The following CELF4 variants were observed in gnomAD, a reference collection of about 807,000 sequenced individuals.
The protein encoded by CELF4 is CUG-BP- and ETR-3-like factor 4.
Under a neutral mutation model 59.9 loss-of-function variants are expected in CELF4, and 18 were observed. That is an observed-to-expected ratio of 0.30 (90% CI 0.21 to 0.45). The LOEUF (loss-of-function observed/expected upper bound fraction) is 0.45. Ranked by LOEUF, CELF4 falls within the 20% of genes least tolerant of loss-of-function variation. CELF4 has a pLI of 1.00. For missense variants in CELF4, 456 were observed against 689.0 expected (o/e 0.66, Z 3.79); for synonymous variants, 261 against 267.1 (o/e 0.98, Z 0.22).
At chr18:37,522,351 G>C (rs912266737) in intron 1 of CELF4, among the ~76,000 whole-genome samples, 3 of 152,146 alleles carry the variant, frequency 2.0e-5, no homozygotes, top group East Asian at 3.9e-4. Flanking sequence ...AGATGACAGG[G>C]ACCATGCATC....
chr18:37,265,518 G>A (rs2077109705), intron 9 of CELF4, among the ~76,000 whole-genome samples: 1 of 152,198 alleles, frequency 6.6e-6, no homozygotes, highest in Non-Finnish European at 1.5e-5. Flanking sequence ...TGTGTGGGAG[G>A]TGGGGGCCAC....
At position 37,551,333 on chromosome 18, in the gene CELF4, C is replaced by A. The variant is rs578165251; in HGVS notation, c.286+14023G>T. 7.9e-5 allele frequency among the ~76,000 whole-genome samples: 12 copies of A among 152,332 alleles called. No homozygotes were observed. The South Asian group carries it at 2.1e-3, about 26-fold the overall frequency. On this transcript the variant is annotated intron_variant, in intron 1 of 12. Transcript: ENST00000420428. ...CCTCAGCCATGACTGCCCCCCTGGG[C>A]TGAGTTTCTCTTCCAGAGATGGGAG...
rs565644170 is a variant in CELF4 at position 37,562,574 on chromosome 18, A to G, written c.286+2782T>C. Among the ~76,000 whole-genome samples the G allele has an allele frequency of 3.3e-5, 5 of 152,266 alleles. No homozygotes were observed. In the South Asian group the frequency reaches 1.0e-3, roughly 32 times the overall value. On this transcript the variant is annotated intron_variant, in intron 1 of 12. Transcript: ENST00000420428. The stretch of plus-strand genomic sequence containing the variant: ...CTAACCTTATGTTGTCAATTTAGAG[A>G]TGGGGAAATCTAGAAACCAAATGCA...
intron 2 of CELF4, among the ~76,000 whole-genome samples, chr18:37,353,882 A>T (rs1006119778): frequency 2.0e-5 from 3 of 149,118 alleles, no homozygotes; most frequent in African/African-American, 7.5e-5. Flanking sequence ...TCAGCCTCCC[A>T]AGTAGCTGGG....
chr18:37,553,903 G>A (rs1338747803), intron 1 of CELF4, among the ~76,000 whole-genome samples: 2 of 152,132 alleles, frequency 1.3e-5, no homozygotes, highest in East Asian at 1.9e-4. Flanking sequence ...GAAGTTCTTC[G>A]TCTCACCGTC....
At chr18:37,413,615 C>A (rs1292007663) in intron 2 of CELF4, among the ~76,000 whole-genome samples, 1 of 152,124 alleles carries the variant, frequency 6.6e-6, no homozygotes. Context: ...CCCCATGGAC[C>A]AGTTATGGAA....
At position 37,443,141 on chromosome 18, in the gene CELF4, G is replaced by A. The variant is rs542212811; in HGVS notation, c.369+42384C>T. Among the ~76,000 whole-genome samples, 12 of 152,292 alleles carry A rather than the reference G, an allele frequency of 7.9e-5. 1 individual carries two copies. The South Asian group carries it at 1.7e-3, about 21-fold the overall frequency. ...GTGGGGATGGGATTGGGAAGGGGACGTGTCTTCTGTGGATTAGAGCTAAAC... is the reference window on the plus strand; with the variant it reads ...GTGGGGATGGGATTGGGAAGGGGACATGTCTTCTGTGGATTAGAGCTAAAC... On this transcript the variant is annotated intron_variant, in intron 2 of 12. Transcript: ENST00000420428.
Position 37,274,329 on chromosome 18 carries a change from G to A in CELF4, c.783C>T (p.Tyr261=), listed in dbSNP as rs182333668. The A allele has an allele frequency of 1.2e-5, 20 of 1,612,846 alleles. No homozygotes were observed. The highest frequency in any genetic ancestry group is 1.6e-5 in the Non-Finnish European group (19 of 1,179,684). ...FNPMAIPFGA[Y]GAYAQALMQQ... ...CACTTACTGCCTGAGCGTAGGCGCC[G>A]TAGGCCCCGAAAGGGATGGCCATGG... The change falls in exon 6 of 13, where the codon TAC becomes TAT. Residue 261 remains tyrosine (Y), a synonymous_variant. Transcript: ENST00000420428.
intron 2 of CELF4, among the ~76,000 whole-genome samples, chr18:37,328,610 A>G (rs576719761): frequency 2.1e-4 from 32 of 152,246 alleles, no homozygotes; most frequent in African/African-American, 7.7e-4. Context: ...TTACCTCCCC[A>G]TTCCTGTGTG....
intron 2 of CELF4, among the ~76,000 whole-genome samples, chr18:37,410,969 T>G (rs555507822): frequency 1.3e-5 from 2 of 152,202 alleles, no homozygotes; most frequent in African/African-American, 4.8e-5. Flanking sequence ...AACCAAGAGT[T>G]TTTTTGAGAC....
In CELF4 at chr18:37,270,751, C is replaced by A; in HGVS notation, c.1099+17G>T. 1 of 1,613,674 alleles carries A rather than the reference C, an allele frequency of 6.2e-7. No homozygotes were observed. Among genetic ancestry groups the A allele is most frequent in the Non-Finnish European group, 8.5e-7 (1 of 1,179,856 alleles). ...AATGTGCTGCATACGGAAATAAGTG[C>A]TGACAGATGTGCTTACCTGGGTAGG... On this transcript the variant is annotated intron_variant, in intron 8 of 12. Transcript: ENST00000420428.
intron 2 of CELF4, among the ~76,000 whole-genome samples, chr18:37,337,826 C>T (rs1217992349): frequency 6.6e-6 from 1 of 152,234 alleles, no homozygotes; most frequent in African/African-American, 2.4e-5. Context: ...GTGCCAGGGA[C>T]AGGATTCTTG....
intron 2 of CELF4, among the ~76,000 whole-genome samples, chr18:37,440,219 G>C (rs1452262071): frequency 6.6e-6 from 1 of 152,220 alleles, no homozygotes; most frequent in Non-Finnish European, 1.5e-5. Flanking sequence ...GGCAGCCTTG[G>C]CTGGGGGGCC....
At chr18:37,339,257 C>T (rs1051542449) in intron 2 of CELF4, among the ~76,000 whole-genome samples, 8 of 152,226 alleles carry the variant, frequency 5.3e-5, no homozygotes, top group African/African-American at 1.9e-4. Context: ...TTTTACCCTG[C>T]TGGCAAGCCA....
chr18:37,505,833 C>T (rs1301803791), intron 1 of CELF4, among the ~76,000 whole-genome samples: 2 of 152,206 alleles, frequency 1.3e-5, no homozygotes, highest in Admixed American at 6.5e-5. Context: ...CAGTACACTG[C>T]CAGGCCCCAC....
intron 3 of CELF4, among the ~76,000 whole-genome samples, chr18:37,304,265 A>C (rs2096259682): frequency 6.6e-6 from 1 of 152,230 alleles, no homozygotes; most frequent in Non-Finnish European, 1.5e-5. Context: ...AATGCACGGA[A>C]AACACATGCA....
intron 2 of CELF4, among the ~76,000 whole-genome samples, chr18:37,427,417 G>A (rs1384126065): frequency 5.9e-5 from 9 of 152,176 alleles, no homozygotes; most frequent in Non-Finnish European, 2.9e-5. Flanking sequence ...GATTTGCTCT[G>A]TGGACTGTTC....
chr18:37,348,329 T>C (rs1257071859), intron 2 of CELF4, among the ~76,000 whole-genome samples: 1 of 152,144 alleles, frequency 6.6e-6, no homozygotes, highest in Non-Finnish European at 1.5e-5. Context: ...GCCAGAGCAC[T>C]CCCAGCTTAC....
intron 2 of CELF4, among the ~76,000 whole-genome samples, chr18:37,438,809 T>G (rs150570841): frequency 2.8e-4 from 42 of 152,358 alleles, no homozygotes; most frequent in African/African-American, 8.7e-4. Flanking sequence ...AATTTATACA[T>G]ACTTTTTACC....
Sources: allele counts gnomAD v4.1 joint callset (sites outside exome capture counted in the v4.1 genomes callset), GRCh38; gene constraint gnomAD v4.1.1; transcripts MANE v1.5; gene names NCBI Gene and HGNC (gene_info 2026-07-23, HGNC 2026-07-21).